PRMT8: variants seen among roughly 807,000 people sequenced by gnomAD.
PRMT8 encodes the protein protein arginine methyltransferase 8, also known as protein arginine N-methyltransferase 8.
In PRMT8, 7 loss-of-function variants were observed where a neutral mutation model predicts 47.1. The ratio of observed to expected loss-of-function variants is 0.15; its 90% confidence interval spans 0.08 to 0.28. The LOEUF is 0.28. PRMT8 is among the 10% of genes least tolerant of loss of function. The probability of loss-of-function intolerance (pLI) is 1.00; values close to 1 mark genes in which losing one functional copy is unlikely to be tolerated. For synonymous variants in PRMT8, 188 were observed against 186.5 expected (o/e 1.01, Z -0.07); for missense variants, 237 against 505.4 (o/e 0.47, Z 5.09).
Position 3,456,936 on chromosome 12 carries a change from A to G in PRMT8, c.48+75494A>G, listed in dbSNP as rs1864980204. 6.6e-6 allele frequency among the ~76,000 whole-genome samples: 1 copy of G among 152,178 alleles called. No individual in the cohort carries two copies. Among genetic ancestry groups the G allele is most frequent in the Non-Finnish European group, 1.5e-5 (1 of 68,024 alleles). On this transcript the variant is annotated intron_variant, in intron 1 of 9. Coordinates refer to the PRMT8 transcript ENST00000452611. This position sits in a 1 kb window ranked among gnomAD's most constrained non-coding sequence, Gnocchi z 4.2. ...CTGTGGCTGACGTCCTAGCCGTGTT[A>G]AGGGGGTGGGGGCTCTGGCCTCGCT...
chr12:3,560,406 T>G (rs750011714), intron 4 of PRMT8, among the ~76,000 whole-genome samples: 2 of 152,222 alleles, frequency 1.3e-5, no homozygotes, highest in Non-Finnish European at 2.9e-5. Flanking sequence ...GGAAGCCACC[T>G]GCGGCAGGCA....
intron 1 of PRMT8, among the ~76,000 whole-genome samples, chr12:3,532,551 G>A (rs1591588417): frequency 7.7e-6 from 1 of 130,644 alleles, no homozygotes; most frequent in Non-Finnish European, 1.6e-5. Context: ...GGCAGAGCTT[G>A]CAGTGAGCTG....
In PRMT8 at chr12:3,514,036, G is replaced by T. The variant is rs531147389; in HGVS notation, c.75+22336G>T. ...AAGGATCAGGCAGATCCGGGCAGAG[G>T]CAGGGGGCAGGGGCAGGATTTATTG... On this transcript the variant is annotated intron_variant, in intron 1 of 9. Transcript: ENST00000382622. This position sits in a 1 kb window ranked among gnomAD's most constrained non-coding sequence, Gnocchi z 5.9. Among the ~76,000 whole-genome samples the T allele has an allele frequency of 1.6e-4, 25 of 152,312 alleles. No homozygotes were observed. The highest frequency in any genetic ancestry group is 6.0e-4 in the African/African-American group (25 of 41,566).
At chr12:3,536,263 G>T (rs1002409754) in intron 1 of PRMT8, among the ~76,000 whole-genome samples, 1 of 152,188 alleles carries the variant, frequency 6.6e-6, no homozygotes, top group African/African-American at 2.4e-5. Flanking sequence ...TCAGGGAGAG[G>T]GTATGCCTGT....
chr12:3,493,042 G>A lies in PRMT8; in HGVS notation c.75+1342G>A, dbSNP rs2137113357. On this transcript the variant is annotated intron_variant, in intron 1 of 9. Coordinates refer to ENST00000382622, the MANE Select transcript of PRMT8 (RefSeq NM_019854.5). This position sits in a 1 kb window ranked among gnomAD's most constrained non-coding sequence, Gnocchi z 8.2. ...AAACCCCTACCCCACGGCGTAGGCA[G>A]CAAAGCTTTATAAATCCCCCTTCTC... Among the ~76,000 whole-genome samples, 1 of 152,262 alleles carries A rather than the reference G, an allele frequency of 6.6e-6. No homozygotes were observed. The highest frequency in any genetic ancestry group is 1.5e-5 in the Non-Finnish European group (1 of 68,010).
intron 1 of PRMT8, among the ~76,000 whole-genome samples, chr12:3,401,509 A>G (rs1864316433): frequency 6.6e-6 from 1 of 152,172 alleles, no homozygotes; most frequent in Non-Finnish European, 1.5e-5. Flanking sequence ...TCAAATAGGA[A>G]GAGAGGAAGT....
rs373193208 is a variant in PRMT8, at chr12:3,583,007, G to A, written c.829-51G>A. 1 of 1,589,626 alleles carries A rather than the reference G, an allele frequency of 6.3e-7. No individual in the cohort carries two copies. The highest frequency in any genetic ancestry group is 8.6e-7 in the Non-Finnish European group (1 of 1,166,214). On this transcript the variant is annotated intron_variant, in intron 7 of 9. Transcript: ENST00000382622. The surrounding 1 kb of genome is among the most constrained non-coding windows in gnomAD (Gnocchi z 4.7). ...GAACGAGGCTGCTGACCGGGACCCAGACTTGGTGGAGGCGATAAGTTCCCG... is the reference window on the plus strand; with the variant it reads ...GAACGAGGCTGCTGACCGGGACCCAAACTTGGTGGAGGCGATAAGTTCCCG...
At chr12:3,509,913 G>A (rs936753197) in intron 1 of PRMT8, among the ~76,000 whole-genome samples, 3 of 152,196 alleles carry the variant, frequency 2.0e-5, no homozygotes, top group Non-Finnish European at 4.4e-5. Flanking sequence ...TAACCGGCAC[G>A]GCATAAGTCT....
Position 3,557,259 on chromosome 12 carries a change from T to C in PRMT8, c.481+3545T>C, listed in dbSNP as rs965494996. Among the ~76,000 whole-genome samples, 4 of 152,024 alleles carry C rather than the reference T, an allele frequency of 2.6e-5. No individual in the cohort carries two copies. Among genetic ancestry groups the C allele is most frequent in the Non-Finnish European group, 2.9e-5 (2 of 67,982 alleles). On this transcript the variant is annotated intron_variant, in intron 4 of 9. Coordinates refer to ENST00000382622, the MANE Select transcript of PRMT8 (RefSeq NM_019854.5). The surrounding 1 kb of genome is among the most constrained non-coding windows in gnomAD (Gnocchi z 4.7). ...CCACTCTCAGGAGCTCGAGTGCGAT[T>C]GGAGTAGAAGGTTGCCGGGATCAGG...
intron 1 of PRMT8, among the ~76,000 whole-genome samples, chr12:3,449,335 G>T (rs1036475008): frequency 6.6e-6 from 1 of 152,184 alleles, no homozygotes; most frequent in Non-Finnish European, 1.5e-5. Context: ...ATGGTTGAAT[G>T]AATTTACACT....
At chr12:3,392,781 C>T (rs537360031) in intron 1 of PRMT8, among the ~76,000 whole-genome samples, 30 of 151,850 alleles carry the variant, frequency 2.0e-4, no homozygotes, top group African/African-American at 6.0e-4. Context: ...CCTGAGGAAT[C>T]GCCACACTGA....
intron 1 of PRMT8, among the ~76,000 whole-genome samples, chr12:3,478,302 A>ATCTG (rs1865237748): frequency 6.7e-6 from 1 of 148,672 alleles, no homozygotes; most frequent in Non-Finnish European, 1.5e-5. Flanking sequence ...CTATCTATCT[A>ATCTG]TCTATCTACC....
chr12:3,583,031 C>T lies in PRMT8; in HGVS notation c.829-27C>T, dbSNP rs200138847. 37 of 1,605,212 alleles carry T rather than the reference C, an allele frequency of 2.3e-5. No homozygotes were observed. The highest frequency in any genetic ancestry group is 1.3e-4 in the Admixed American group (8 of 59,330). On this transcript the variant is annotated intron_variant, in intron 7 of 9. Transcript: ENST00000382622. The surrounding 1 kb of genome is among the most constrained non-coding windows in gnomAD (Gnocchi z 4.7). ...AGACTTGGTGGAGGCGATAAGTTCCCGGCATTCTCTCTTCTCTGGGCTGCA... is the reference window on the plus strand; with the variant it reads ...AGACTTGGTGGAGGCGATAAGTTCCTGGCATTCTCTCTTCTCTGGGCTGCA...
intron 1 of PRMT8, among the ~76,000 whole-genome samples, chr12:3,426,172 G>T (rs181687274): frequency 1.1e-4 from 16 of 152,342 alleles, no homozygotes; most frequent in Middle Eastern, 3.4e-3. Context: ...GTGGAAAGGG[G>T]ACAATGTGGG....
chr12:3,564,336 G>A lies in PRMT8; in HGVS notation c.482-4370G>A, dbSNP rs1001934572. On this transcript the variant is annotated intron_variant, in intron 4 of 9. Transcript: ENST00000382622. The surrounding 1 kb of genome is among the most constrained non-coding windows in gnomAD (Gnocchi z 4.0). ...TGATCACTAACTTCAGATCCTACGG[G>A]CATCAGCTGACCCTGATGGATGCAC... Among the ~76,000 whole-genome samples the A allele has an allele frequency of 6.6e-6, 1 of 152,182 alleles. No homozygotes were observed. Among genetic ancestry groups the A allele is most frequent in the Non-Finnish European group, 1.5e-5 (1 of 68,034 alleles).
chr12:3,477,928 C>T (rs1226905400), intron 1 of PRMT8, among the ~76,000 whole-genome samples: 2 of 152,130 alleles, frequency 1.3e-5, no homozygotes, highest in Non-Finnish European at 2.9e-5. Flanking sequence ...TGTTTTCCTT[C>T]CTTTCTCTTA....
Position 3,573,336 on chromosome 12 carries a change from T to A in PRMT8, c.713-3535T>A, listed in dbSNP as rs965948280. Among the ~76,000 whole-genome samples, 59 of 152,342 alleles carry A rather than the reference T, an allele frequency of 3.9e-4. 1 individual carries two copies. The highest frequency in any genetic ancestry group is 8.4e-4 in the African/African-American group (35 of 41,582). On this transcript the variant is annotated intron_variant, in intron 6 of 9. Coordinates refer to ENST00000382622, the MANE Select transcript of PRMT8 (RefSeq NM_019854.5). ...TTTCTAACATTTCCACTGGCTTTTT[T>A]AAAAAGTTTCCATCTCGCTAATGAA...
intron 1 of PRMT8, among the ~76,000 whole-genome samples, chr12:3,470,117 A>G (rs1178075464): frequency 6.9e-6 from 1 of 144,942 alleles, no homozygotes; most frequent in Non-Finnish European, 1.5e-5. Context: ...GAATACACAT[A>G]AAAAAAAATT....
At chr12:3,469,228 G>A (rs2137093778) in intron 1 of PRMT8, 1 of 458,596 alleles carries the variant, frequency 2.2e-6, no homozygotes, top group East Asian at 6.2e-5. Flanking sequence ...AGCCAGCAAG[G>A]ACCAAACACC....
Sources: gnomAD v4.1 joint callset for allele counts (sites outside exome capture counted in the v4.1 genomes callset) on GRCh38, gnomAD v4.1.1 for gene constraint, Gnocchi (gnomAD v3.1) non-coding constraint, MANE v1.5 for transcripts, NCBI Gene and HGNC (gene_info 2026-07-23, HGNC 2026-07-21) for gene names.